The following MCU variants were observed in gnomAD, a reference collection of about 807,000 sequenced individuals.
MCU encodes calcium uniporter protein, mitochondrial.
Under a neutral mutation model 45.2 loss-of-function variants are expected in MCU, and 12 were observed. That is an observed-to-expected ratio of 0.27 (90% CI 0.17 to 0.43). The LOEUF (loss-of-function observed/expected upper bound fraction) is 0.43, where lower values mean the gene tolerates loss of function less well. MCU is among the 20% of genes least tolerant of loss of function. MCU has a pLI of 1.00. For missense variants in MCU, 324 were observed against 436.7 expected, an observed-to-expected ratio of 0.74 and a Z score of 2.30; for synonymous variants, 160 against 165.1, an observed-to-expected ratio of 0.97 and a Z score of 0.24.
At chr10:72,747,388 A>T (rs888794538) in intron 1 of MCU, among the ~76,000 whole-genome samples, 4 of 152,176 alleles carry the variant, frequency 2.6e-5, no homozygotes, top group African/African-American at 9.7e-5. Context: ...TCGTTGTTTT[A>T]AAAAATATGT....
chr10:72,694,036 G>T lies in MCU; in HGVS notation c.150+1735G>T, dbSNP rs1383946089. 1.1e-4 allele frequency among the ~76,000 whole-genome samples: 17 copies of T among 152,344 alleles called. No individual in the cohort carries two copies. In the East Asian group the frequency reaches 1.9e-3, roughly 17 times the overall value. ...TCCCTTGTGGGGATACTTCACGAAG[G>T]TGTTCTCTGTGCTATTCTAGGGTGG... On this transcript the variant is annotated intron_variant, in intron 1 of 7. Transcript: ENST00000373053.
rs1410437674 is a variant in MCU at position 72,800,831 on chromosome 10, G to A, written c.151-33528G>A. ...AAGGTGTTGGATTATTTTTTAAATAGTTTCACTGAGGCCTAGCACGGTGGC... is the reference window on the plus strand; with the variant it reads ...AAGGTGTTGGATTATTTTTTAAATAATTTCACTGAGGCCTAGCACGGTGGC... On this transcript the variant is annotated intron_variant, in intron 1 of 7. Coordinates refer to ENST00000373053, the MANE Select transcript of MCU (RefSeq NM_138357.3). Among the ~76,000 whole-genome samples, 5 of 152,148 alleles carry A rather than the reference G, an allele frequency of 3.3e-5. No individual in the cohort carries two copies. In the East Asian group the frequency reaches 9.6e-4, roughly 29 times the overall value.
chr10:72,777,734 G>A (rs1319819284), intron 1 of MCU, among the ~76,000 whole-genome samples: 1 of 152,134 alleles, frequency 6.6e-6, no homozygotes, highest in East Asian at 1.9e-4. Flanking sequence ...CACAGCAAAG[G>A]AAACAGTCAA....
intron 1 of MCU, chr10:72,715,825 A>T: frequency 3.1e-6 from 3 of 979,366 alleles, no homozygotes; most frequent in Non-Finnish European, 3.6e-6. Flanking sequence ...CAACCATGTA[A>T]GGGAGAGTGT....
At chr10:72,706,830 C>T (rs1432737562) in intron 1 of MCU, among the ~76,000 whole-genome samples, 4 of 144,664 alleles carry the variant, frequency 2.8e-5, no homozygotes, top group Non-Finnish European at 4.5e-5. Context: ...CCACCGCACC[C>T]GGCCTTTTTT....
intron 1 of MCU, among the ~76,000 whole-genome samples, chr10:72,782,989 T>C (rs1844017980): frequency 6.6e-6 from 1 of 152,214 alleles, no homozygotes; most frequent in South Asian, 2.1e-4. Context: ...TATGAGAGCT[T>C]ATATTTAAGC....
Position 72,859,326 on chromosome 10 carries a change from A to C in MCU, c.370A>C (p.Arg124=), listed in dbSNP as rs902094896. 1.2e-6 allele frequency: 2 copies of C among 1,612,696 alleles called. No homozygotes were observed. Among genetic ancestry groups the C allele is most frequent in the Non-Finnish European group, 1.7e-6 (2 of 1,179,448 alleles). The change falls in exon 3 of 8, where the codon AGA becomes CGA. Residue 124 remains arginine (R), a synonymous_variant. Transcript: ENST00000373053. The stretch of plus-strand genomic sequence containing the variant: ...GCAAGAAGAGGATCGGGGAATTGAC[A>C]GAGTTGCTATCTATTCACCAGGTAT... The part of the protein sequence containing the change: ...QLQEEDRGID[R]VAIYSPDGVR...
At chr10:72,837,194 A>AT (rs755289387) in intron 2 of MCU, among the ~76,000 whole-genome samples, 2,789 of 145,858 alleles carry the variant, frequency 0.019, 42 homozygotes, top group East Asian at 0.067. Flanking sequence ...CAGGTTCTAG[A>AT]TTTTTTTTTT....
intron 2 of MCU, among the ~76,000 whole-genome samples, chr10:72,843,275 C>G (rs1035659890): frequency 6.6e-6 from 1 of 152,146 alleles, no homozygotes; most frequent in African/African-American, 2.4e-5. Flanking sequence ...GGAGTTTCAC[C>G]ACCCTAAAAA....
intron 1 of MCU, among the ~76,000 whole-genome samples, chr10:72,702,455 A>G (rs1035624820): frequency 1.6e-4 from 24 of 152,212 alleles, no homozygotes; most frequent in African/African-American, 5.5e-4. Context: ...GGAGACATTC[A>G]GAAAATATCT....
chr10:72,734,239 C>T (rs1198622443), intron 1 of MCU, among the ~76,000 whole-genome samples: 1 of 152,008 alleles, frequency 6.6e-6, no homozygotes, highest in Admixed American at 6.6e-5. Flanking sequence ...GAGCAAGATC[C>T]TGTTTCTAAA....
chr10:72,702,109 T>TG (rs199667073), intron 1 of MCU, among the ~76,000 whole-genome samples: 2,826 of 145,504 alleles, frequency 0.019, 100 homozygotes, highest in African/African-American at 0.068. Context: ...CAGTCATGGT[T>TG]GGGGGGGAGG....
chr10:72,791,410 C>T (rs1000765530), intron 1 of MCU, among the ~76,000 whole-genome samples: 3 of 152,158 alleles, frequency 2.0e-5, no homozygotes, highest in Non-Finnish European at 4.4e-5. Flanking sequence ...TTCACAACCT[C>T]CCTATCTATA....
intron 1 of MCU, among the ~76,000 whole-genome samples, chr10:72,758,426 C>A (rs1263860375): frequency 6.6e-6 from 1 of 152,110 alleles, no homozygotes; most frequent in Non-Finnish European, 1.5e-5. Context: ...TATATCATGT[C>A]CACAGATACA....
At chr10:72,832,787 A>G (rs1215885034) in intron 1 of MCU, among the ~76,000 whole-genome samples, 1 of 152,212 alleles carries the variant, frequency 6.6e-6, no homozygotes, top group African/African-American at 2.4e-5. Context: ...CCCATTTTTC[A>G]GTGAAGAAAC....
intron 1 of MCU, among the ~76,000 whole-genome samples, chr10:72,823,352 A>G (rs1844743315): frequency 6.6e-6 from 1 of 152,210 alleles, no homozygotes; most frequent in Non-Finnish European, 1.5e-5. Context: ...TTTATATGCA[A>G]ATAAGCATCT....
At chr10:72,782,614 C>T (rs892407453) in intron 1 of MCU, among the ~76,000 whole-genome samples, 1 of 152,180 alleles carries the variant, frequency 6.6e-6, no homozygotes, top group African/African-American at 2.4e-5. Flanking sequence ...TCAGGCTACC[C>T]GCCTTGGCCT....
chr10:72,730,426 T>A (rs111756224), intron 1 of MCU: 7,930 of 151,712 alleles, frequency 0.052, 690 homozygotes, highest in African/African-American at 0.18. Flanking sequence ...GTAGCTGGGA[T>A]TACAGGCACA....
intron 1 of MCU, among the ~76,000 whole-genome samples, chr10:72,780,230 A>G (rs1843968684): frequency 1.3e-5 from 2 of 152,158 alleles, no homozygotes; most frequent in African/African-American, 4.8e-5. Flanking sequence ...CCATAGAGAA[A>G]AAGTAGATTA....
Sources: gnomAD v4.1 joint callset for allele counts (sites outside exome capture counted in the v4.1 genomes callset) on GRCh38, gnomAD v4.1.1 for gene constraint, MANE v1.5 for transcripts, NCBI Gene and HGNC (gene_info 2026-07-23, HGNC 2026-07-21) for gene names.